MSRB3: variants seen among roughly 807,000 people sequenced by gnomAD.
MSRB3 encodes methionine-R-sulfoxide reductase B3.
In MSRB3, 13 loss-of-function variants were observed where a neutral mutation model predicts 21.0. The observed-to-expected ratio is 0.62, with a 90% CI of 0.40 to 0.98. MSRB3 has a LOEUF of 0.98. Ranked by LOEUF, MSRB3 falls within the 50% of genes least tolerant of loss-of-function variation. The pLI, the probability that MSRB3 is intolerant of heterozygous loss-of-function variation, is 0.00. For synonymous variants in MSRB3, 87 were observed against 88.6 expected, an observed-to-expected ratio of 0.98 and a Z score of 0.10; for missense variants, 199 against 230.3, an observed-to-expected ratio of 0.86 and a Z score of 0.88.
intron 5 of MSRB3, among the ~76,000 whole-genome samples, chr12:65,420,372 G>A (rs1049654810): frequency 5.3e-5 from 8 of 151,056 alleles, no homozygotes; most frequent in African/African-American, 1.9e-4. Flanking sequence ...TGGCTATATG[G>A]GAGTCACTTG....
chr12:65,395,592 A>G (rs1299795532), intron 5 of MSRB3, among the ~76,000 whole-genome samples: 2 of 152,196 alleles, frequency 1.3e-5, no homozygotes, highest in Non-Finnish European at 2.9e-5. Flanking sequence ...TGTATCATTA[A>G]TTTCTTAAAT....
At chr12:65,452,952 T>C (rs1882922547) in intron 5 of MSRB3, among the ~76,000 whole-genome samples, 1 of 152,178 alleles carries the variant, frequency 6.6e-6, no homozygotes, top group Non-Finnish European at 1.5e-5. Context: ...CCATAAGTAC[T>C]GAACATAAAA....
intron 5 of MSRB3, among the ~76,000 whole-genome samples, chr12:65,442,770 T>A (rs1209058945): frequency 1.3e-5 from 2 of 152,114 alleles, no homozygotes; most frequent in Non-Finnish European, 2.9e-5. Flanking sequence ...AGACATTTTT[T>A]AATGGCACTT....
chr12:65,293,973 G>T (rs1477775903), intron 1 of MSRB3, among the ~76,000 whole-genome samples: 3 of 152,162 alleles, frequency 2.0e-5, no homozygotes, highest in South Asian at 2.1e-4. Flanking sequence ...AGGTAGAGGG[G>T]AAGGAAGCAG....
At chr12:65,391,793 T>C (rs948412212) in intron 5 of MSRB3, among the ~76,000 whole-genome samples, 2 of 152,176 alleles carry the variant, frequency 1.3e-5, no homozygotes, top group African/African-American at 2.4e-5. Context: ...GGAAGAGTTA[T>C]CAATATAATT....
At chr12:65,368,951 T>G in intron 4 of MSRB3, 47 bp from the exon 5 acceptor site, 1 of 752,632 alleles carries the variant, frequency 1.3e-6, no homozygotes. Context: ...ATAATTGTTC[T>G]TTTACAAACA....
intron 1 of MSRB3, among the ~76,000 whole-genome samples, chr12:65,283,454 AG>A (rs1872160301): frequency 1.3e-5 from 2 of 149,838 alleles, no homozygotes; most frequent in Admixed American, 1.3e-4. Flanking sequence ...TTTTTGAGAT[AG>A]GATCTCACTC....
chr12:65,313,660 T>C (rs1000752870), intron 2 of MSRB3, among the ~76,000 whole-genome samples: 1 of 152,118 alleles, frequency 6.6e-6, no homozygotes, highest in Non-Finnish European at 1.5e-5. Flanking sequence ...TTCTGATTTC[T>C]GTATTGGTGT....
At chr12:65,429,298 C>T (rs1881766187) in intron 5 of MSRB3, among the ~76,000 whole-genome samples, 1 of 152,008 alleles carries the variant, frequency 6.6e-6, no homozygotes, top group South Asian at 2.1e-4. Flanking sequence ...TCAGGGAAAG[C>T]CTACTGAGGA....
intron 1 of MSRB3, among the ~76,000 whole-genome samples, chr12:65,306,465 A>G (rs1331948663): frequency 1.3e-5 from 2 of 152,222 alleles, no homozygotes; most frequent in East Asian, 1.9e-4. Context: ...TGCATTTTGC[A>G]AACTTCAATC....
intron 5 of MSRB3, among the ~76,000 whole-genome samples, chr12:65,422,119 CA>C (rs1387350123): frequency 6.6e-6 from 1 of 151,524 alleles, no homozygotes; most frequent in African/African-American, 2.4e-5. Flanking sequence ...CAACAAAGAT[CA>C]AAAAAGACAA....
At chr12:65,298,145 A>G (rs907099438) in intron 1 of MSRB3, among the ~76,000 whole-genome samples, 5 of 152,132 alleles carry the variant, frequency 3.3e-5, no homozygotes, top group African/African-American at 1.2e-4. Context: ...CTGGAACCAC[A>G]GGTGCATGCC....
chr12:65,325,564 C>T (rs1007239362), intron 2 of MSRB3, among the ~76,000 whole-genome samples: 2 of 151,966 alleles, frequency 1.3e-5, no homozygotes, highest in Non-Finnish European at 2.9e-5. Context: ...TCAGGGTAAC[C>T]GGCTAGACAA....
chr12:65,446,147 A>G (rs1008493850), intron 5 of MSRB3, among the ~76,000 whole-genome samples: 2 of 152,208 alleles, frequency 1.3e-5, no homozygotes, highest in Non-Finnish European at 2.9e-5. Context: ...ACACATCCTT[A>G]TATTTGCAAT....
At chr12:65,429,874 G>A (rs549419209) in intron 5 of MSRB3, among the ~76,000 whole-genome samples, 2 of 152,236 alleles carry the variant, frequency 1.3e-5, no homozygotes, top group East Asian at 3.9e-4. Flanking sequence ...TTTGCTTCTG[G>A]TTTTTATCTC....
At chr12:65,411,361 A>G (rs556602658) in intron 5 of MSRB3, among the ~76,000 whole-genome samples, 2 of 152,158 alleles carry the variant, frequency 1.3e-5, no homozygotes, top group South Asian at 2.1e-4. Flanking sequence ...TATGTTTTAC[A>G]TATCTGTCTA....
At chr12:65,289,158 C>T (rs1872547889) in intron 1 of MSRB3, among the ~76,000 whole-genome samples, 1 of 152,136 alleles carries the variant, frequency 6.6e-6, no homozygotes, top group African/African-American at 2.4e-5. Context: ...AGATGTATGT[C>T]TCTATATCAT....
intron 5 of MSRB3, chr12:65,418,729 C>T: frequency 1.1e-6 from 1 of 895,812 alleles, no homozygotes; most frequent in Non-Finnish European, 1.8e-6. Context: ...GGCTTAATGT[C>T]TCAGAACTTT....
chr12:65,391,108 A>G (rs1006237563), intron 5 of MSRB3, among the ~76,000 whole-genome samples: 1 of 152,184 alleles, frequency 6.6e-6, no homozygotes, highest in Non-Finnish European at 1.5e-5. Context: ...TCCATCAAGT[A>G]TTTGAACGAT....
Sources: allele counts gnomAD v4.1 joint callset (sites outside exome capture counted in the v4.1 genomes callset), GRCh38; gene constraint gnomAD v4.1.1; transcripts MANE v1.5; gene names NCBI Gene and HGNC (gene_info 2026-07-23, HGNC 2026-07-21).